The following LYSMD4 variants were observed in gnomAD, a reference collection of about 807,000 sequenced individuals.
LYSMD4 encodes the protein lysM and putative peptidoglycan-binding domain-containing protein 4.
A neutral mutation model predicts 6.1 loss-of-function variants in LYSMD4; 9 were observed. The observed-to-expected ratio is 1.47, with a 90% CI of 0.88 to 2.56. The LOEUF is 2.56. Ranked by LOEUF, LYSMD4 falls within the 30% of genes most tolerant of loss-of-function variation. LYSMD4 has a pLI of 0.00. For missense variants in LYSMD4, 384 were observed against 373.5 expected, an observed-to-expected ratio of 1.03 and a Z score of -0.23; for synonymous variants, 143 against 148.5, an observed-to-expected ratio of 0.96 and a Z score of 0.27.
Position 99,729,731 on chromosome 15 carries a change from C to T in LYSMD4, c.283G>A (p.Val95Ile). Reference protein sequence around the residue: ...NKLALQYGCKVADIKKVNNFI... With the variant: ...NKLALQYGCKIADIKKVNNFI... ...TTGTTGACTTTCTTGATATCTGCAACCTAGGAAGGCACGAAGATAAACATC... is the reference window on the plus strand; with the variant it reads ...TTGTTGACTTTCTTGATATCTGCAATCTAGGAAGGCACGAAGATAAACATC... The change falls in exon 3 of 3, where the codon GTT becomes ATT. Residue 95 changes from valine to isoleucine, a missense_variant and splice_region_variant. Physicochemically the swap from Val to Ile is conservative, Grantham distance 29. Transcript: ENST00000684762. 6.3e-7 allele frequency: 1 copy of T among 1,597,986 alleles called. No individual in the cohort carries two copies. Among genetic ancestry groups the T allele is most frequent in the South Asian group, 1.1e-5 (1 of 90,110 alleles).
In LYSMD4 at chr15:99,727,669, G is replaced by A. The variant is rs958781455; in HGVS notation, c.*1454C>T. 1.3e-5 allele frequency: 2 copies of A among 152,234 alleles called. No homozygotes were observed. Among genetic ancestry groups the A allele is most frequent in the African/African-American group, 4.8e-5 (2 of 41,454 alleles). The allele number at this position is 152,234 out of a possible 1,614,324, so 9.4% of individuals were successfully genotyped here. Reference sequence around the variant, plus strand: ...AAGATCATTCTGGTTTCTAATTTAAGATTGAAGATGATTTAATTTGCTAAT... The same window carrying A: ...AAGATCATTCTGGTTTCTAATTTAAAATTGAAGATGATTTAATTTGCTAAT... On this transcript the variant is annotated 3_prime_UTR_variant, in exon 3 of 3. Transcript: ENST00000684762.
downstream of LYSMD4, among the ~76,000 whole-genome samples, chr15:99,726,145 G>GTTTT (rs1567547710): frequency 5.1e-4 from 16 of 31,414 alleles, no homozygotes; most frequent in African/African-American, 1.1e-3. Context: ...TGTCTCAAGT[G>GTTTT]GTTTTTTTTT....
intron 1 of LYSMD4, chr15:99,732,864 C>T (rs1213541011): frequency 1.3e-5 from 2 of 153,548 alleles, no homozygotes; most frequent in East Asian, 3.8e-4. Flanking sequence ...CACCCCGCTC[C>T]GCGCGCTCCT....
In LYSMD4 at chr15:99,733,323, C is replaced by T. The variant is rs148635910; in HGVS notation, c.-9+22G>A. ...CGCGGCTCCCTAGCCAGACCGCGGCCCCCTCGTCCAGGCCCCGGTACCTCA... is the reference window on the plus strand; with the variant it reads ...CGCGGCTCCCTAGCCAGACCGCGGCTCCCTCGTCCAGGCCCCGGTACCTCA... On this transcript the variant is annotated intron_variant, in intron 1 of 2. Coordinates refer to ENST00000684762, the MANE Select transcript of LYSMD4 (RefSeq NM_001284417.2). 3.6e-3 allele frequency: 1,430 copies of T among 392,086 alleles called. 4 individuals are homozygous for T. Among genetic ancestry groups the T allele is most frequent in the Middle Eastern group, 8.3e-3 (13 of 1,560 alleles). 24.3% of individuals were successfully genotyped at this position (392,086 alleles called of 1,614,324 possible).
At chr15:99,718,411 T>C (rs998515489), upstream of LYSMD4, among the ~76,000 whole-genome samples, 7 of 135,064 alleles carry the variant, frequency 5.2e-5, no homozygotes, top group African/African-American at 1.8e-4. Flanking sequence ...TTGATACATA[T>C]ATTGGGGGAG....
chr15:99,723,493 T>C (rs2059253344), downstream of LYSMD4, among the ~76,000 whole-genome samples: 1 of 152,224 alleles, frequency 6.6e-6, no homozygotes. Context: ...CCTTGCTGAC[T>C]GAGGAGAGAC....
At chr15:99,722,934 G>A (rs2059248183), downstream of LYSMD4, among the ~76,000 whole-genome samples, 1 of 152,090 alleles carries the variant, frequency 6.6e-6, no homozygotes, top group Non-Finnish European at 1.5e-5. Flanking sequence ...GGAAAACTGA[G>A]GCAGGAGATT....
upstream of LYSMD4, among the ~76,000 whole-genome samples, chr15:99,720,563 T>C (rs2059230256): frequency 6.6e-6 from 1 of 152,248 alleles, no homozygotes; most frequent in Admixed American, 6.5e-5. Flanking sequence ...TGGACTGTTT[T>C]CATTCCTCAT....
upstream of LYSMD4, chr15:99,720,799 C>T (rs913544616): frequency 6.6e-6 from 1 of 152,208 alleles, no homozygotes; most frequent in Non-Finnish European, 1.5e-5. Context: ...CACGTGATAT[C>T]CAGGAATCTT....
chr15:99,725,411 G>T (rs148806266), downstream of LYSMD4, among the ~76,000 whole-genome samples: 27 of 152,240 alleles, frequency 1.8e-4, no homozygotes, highest in African/African-American at 6.0e-4. Flanking sequence ...AAATAGCATG[G>T]GTTCCCAAAG....
At chr15:99,725,120 G>C (rs887265001), downstream of LYSMD4, among the ~76,000 whole-genome samples, 2 of 145,810 alleles carry the variant, frequency 1.4e-5, no homozygotes, top group Non-Finnish European at 1.5e-5. Context: ...AAGCAGGTAA[G>C]GGAGGCTCCT....
downstream of LYSMD4, among the ~76,000 whole-genome samples, chr15:99,724,973 A>G (rs995920425): frequency 1.3e-5 from 2 of 152,214 alleles, no homozygotes; most frequent in African/African-American, 2.4e-5. Context: ...CCACTGCACC[A>G]GACTTGGAGA....
At chr15:99,732,067 G>A (rs1278615245) in intron 1 of LYSMD4, 60 bp from the exon 2 acceptor site, 1 of 1,470,878 alleles carries the variant, frequency 6.8e-7, no homozygotes, top group Non-Finnish European at 9.1e-7. Flanking sequence ...CCACCGCCTC[G>A]TTTAAAGAGA....
At chr15:99,726,510 T>G (rs1202348550), downstream of LYSMD4, among the ~76,000 whole-genome samples, 2 of 149,456 alleles carry the variant, frequency 1.3e-5, no homozygotes, top group African/African-American at 4.9e-5. Context: ...ACACTCCCCC[T>G]ACTGCAGCGC....
upstream of LYSMD4, among the ~76,000 whole-genome samples, chr15:99,721,444 CAG>C (rs1202194678): frequency 2.0e-5 from 3 of 152,228 alleles, no homozygotes; most frequent in African/African-American, 7.2e-5. Flanking sequence ...CTCTCAGAAA[CAG>C]GGAGCCTGGC....
chr15:99,721,391 A>G (rs1194058818), upstream of LYSMD4, among the ~76,000 whole-genome samples: 1 of 152,220 alleles, frequency 6.6e-6, no homozygotes, highest in Admixed American at 6.5e-5. Flanking sequence ...GATGACTGGT[A>G]CATGGGCTAT....
At chr15:99,731,544 G>T (rs945362876) in intron 2 of LYSMD4, 174 bp downstream of exon 2, 2 of 1,542,536 alleles carry the variant, frequency 1.3e-6, no homozygotes, top group African/African-American at 1.4e-5. Flanking sequence ...GGGAACTAAA[G>T]GTACTCCCAC....
downstream of LYSMD4, among the ~76,000 whole-genome samples, chr15:99,723,730 A>C (rs539132219): frequency 6.6e-6 from 1 of 152,242 alleles, no homozygotes; most frequent in Non-Finnish European, 1.5e-5. Flanking sequence ...CCATGCTGTC[A>C]TGCATCGCCT....
upstream of LYSMD4, among the ~76,000 whole-genome samples, chr15:99,721,457 A>C (rs550950392): frequency 1.3e-5 from 2 of 152,326 alleles, no homozygotes; most frequent in South Asian, 4.1e-4. Flanking sequence ...GGAGCCTGGC[A>C]CTTGACAGGG....
Sources: allele counts gnomAD v4.1 joint callset (sites outside exome capture counted in the v4.1 genomes callset), GRCh38; gene constraint gnomAD v4.1.1; transcripts MANE v1.5; gene names NCBI Gene and HGNC (gene_info 2026-07-23, HGNC 2026-07-21).